The following KCNQ3 variants were observed in gnomAD, a reference collection of about 807,000 sequenced individuals.
The protein encoded by KCNQ3 is potassium voltage-gated channel subfamily KQT member 3.
In KCNQ3, 30 loss-of-function variants were observed where a neutral mutation model predicts 92.5. The ratio of observed to expected loss-of-function variants is 0.32; its 90% CI spans 0.24 to 0.44. The LOEUF (loss-of-function observed/expected upper bound fraction) is 0.44, where lower values mean the gene tolerates loss of function less well. Among genes scored for constraint, KCNQ3 ranks in the 20% least tolerant of loss-of-function variants. The probability of loss-of-function intolerance (pLI) is 1.00; values close to 1 mark genes in which losing one functional copy is unlikely to be tolerated. For synonymous variants in KCNQ3, 450 were observed against 468.8 expected (o/e 0.96, Z 0.52); for missense variants, 913 against 1,140.3 (o/e 0.80, Z 2.87).
At chr8:132,398,445 A>G (rs981095333) in intron 1 of KCNQ3, among the ~76,000 whole-genome samples, 2 of 152,176 alleles carry the variant, frequency 1.3e-5, no homozygotes, top group African/African-American at 4.8e-5. Flanking sequence ...CATTTTCTTA[A>G]ATGATTTGCT....
At chr8:132,244,048 T>A (rs1254379209) in intron 1 of KCNQ3, among the ~76,000 whole-genome samples, 1 of 152,096 alleles carries the variant, frequency 6.6e-6, no homozygotes, top group Non-Finnish European at 1.5e-5. Context: ...TTGTGCAGAT[T>A]CAACCACTGA....
At chr8:132,138,500 T>C (rs1366638539) in intron 11 of KCNQ3, among the ~76,000 whole-genome samples, 1 of 152,140 alleles carries the variant, frequency 6.6e-6, no homozygotes, top group African/African-American at 2.4e-5. Context: ...ATATATCTCA[T>C]CCTCAAGAGC....
At chr8:132,314,220 A>G (rs1465202772) in intron 1 of KCNQ3, among the ~76,000 whole-genome samples, 1 of 152,234 alleles carries the variant, frequency 6.6e-6, no homozygotes, top group African/African-American at 2.4e-5. Flanking sequence ...CACTTAGGAA[A>G]GATAAAATTT....
At chr8:132,186,925 T>TGAGAGAGA (rs1563794835) in intron 1 of KCNQ3, among the ~76,000 whole-genome samples, 1 of 89,878 alleles carries the variant, frequency 1.1e-5, no homozygotes, top group Non-Finnish European at 2.2e-5. Context: ...TGTGTGTGTG[T>TGAGAGAGA]GTGTGTGTGA....
At chr8:132,354,559 T>C (rs1034854390) in intron 1 of KCNQ3, among the ~76,000 whole-genome samples, 11 of 152,192 alleles carry the variant, frequency 7.2e-5, no homozygotes, top group African/African-American at 2.7e-4. Flanking sequence ...GGTCGTATTC[T>C]GGGGTCAGCA....
At chr8:132,312,222 G>T (rs1817614986) in intron 1 of KCNQ3, among the ~76,000 whole-genome samples, 1 of 152,204 alleles carries the variant, frequency 6.6e-6, no homozygotes, top group South Asian at 2.1e-4. Flanking sequence ...GTGGTGCTTT[G>T]TTATGGCAGA....
At chr8:132,187,134 T>C (rs1826996413) in intron 1 of KCNQ3, 2 of 455,856 alleles carry the variant, frequency 4.4e-6, no homozygotes, top group Admixed American at 2.4e-5. Context: ...TGAAGCTTGG[T>C]AGTACATACT....
At chr8:132,347,527 G>A (rs1391741943) in intron 1 of KCNQ3, among the ~76,000 whole-genome samples, 1 of 152,168 alleles carries the variant, frequency 6.6e-6, no homozygotes, top group East Asian at 1.9e-4. Context: ...ATACACAATG[G>A]CAAATGGTGA....
At chr8:132,358,013 T>C (rs1819064309) in intron 1 of KCNQ3, among the ~76,000 whole-genome samples, 1 of 152,238 alleles carries the variant, frequency 6.6e-6, no homozygotes, top group African/African-American at 2.4e-5. Flanking sequence ...TCCAGGGAAT[T>C]TGCTCCCTTG....
intron 1 of KCNQ3, among the ~76,000 whole-genome samples, chr8:132,416,822 C>G (rs1820820741): frequency 6.6e-6 from 1 of 152,112 alleles, no homozygotes; most frequent in East Asian, 1.9e-4. Context: ...AGGGTACAGA[C>G]AGGAAGGCTG....
At chr8:132,203,959 A>G (rs968953550) in intron 1 of KCNQ3, among the ~76,000 whole-genome samples, 2 of 152,156 alleles carry the variant, frequency 1.3e-5, no homozygotes, top group Non-Finnish European at 2.9e-5. Context: ...ATCTTTGGGG[A>G]CCTCTACCAA....
chr8:132,147,132 C>A (rs1441771852), intron 9 of KCNQ3, among the ~76,000 whole-genome samples: 1 of 152,148 alleles, frequency 6.6e-6, no homozygotes, highest in Non-Finnish European at 1.5e-5. Flanking sequence ...GATATCCAGG[C>A]AAAAGATGCT....
chr8:132,252,467 T>A (rs569205737), intron 1 of KCNQ3, among the ~76,000 whole-genome samples: 2 of 152,248 alleles, frequency 1.3e-5, no homozygotes, highest in South Asian at 4.2e-4. Flanking sequence ...ACCCTCGCAG[T>A]GAGTGTTACA....
Position 132,141,189 on chromosome 8 carries a change from T to C in KCNQ3, c.1405A>G (p.Lys469Glu), listed in dbSNP as rs1409856489. 1.2e-6 allele frequency: 2 copies of C among 1,614,200 alleles called. No homozygotes were observed. Among genetic ancestry groups the C allele is most frequent in the Non-Finnish European group, 1.7e-6 (2 of 1,180,024 alleles). Reference protein sequence around the residue: ...KEPKPVGLNNKERFRTAFRMK... With the variant: ...KEPKPVGLNNEERFRTAFRMK... ...CGGAAGGCCGTGCGGAAACGCTCTTTATTGTTTAAGCCAACAGGCTTTGGT... is the reference window on the plus strand; with the variant it reads ...CGGAAGGCCGTGCGGAAACGCTCTTCATTGTTTAAGCCAACAGGCTTTGGT... Residue 469 changes from lysine to glutamate, a missense_variant, in exon 10 of 15, where the codon AAA becomes GAA. Around this residue, in one of 6 missense-constraint regions of KCNQ3, gnomAD observed 182 missense variants for 234.5 expected, o/e 0.78. Coordinates refer to ENST00000388996, the MANE Select transcript of KCNQ3 (RefSeq NM_004519.4).
chr8:132,446,460 G>A (rs1821679839), intron 1 of KCNQ3, among the ~76,000 whole-genome samples: 1 of 152,154 alleles, frequency 6.6e-6, no homozygotes, highest in Non-Finnish European at 1.5e-5. Context: ...GTGTCCTTAA[G>A]CAAACTCCCT....
At chr8:132,222,211 A>T (rs986605663) in intron 1 of KCNQ3, among the ~76,000 whole-genome samples, 2 of 152,242 alleles carry the variant, frequency 1.3e-5, no homozygotes, top group African/African-American at 4.8e-5. Flanking sequence ...ACTCATCTTC[A>T]TTTTATGATG....
In KCNQ3 at chr8:132,195,605, T is replaced by G. The variant is rs529903769; in HGVS notation, c.387-9424A>C. On this transcript the variant is annotated intron_variant, in intron 1 of 14. Coordinates refer to ENST00000388996, the MANE Select transcript of KCNQ3 (RefSeq NM_004519.4). The stretch of plus-strand genomic sequence containing the variant: ...GTACCATTTTTCTAAGCAAGGATAC[T>G]GATTATGCCAAACCCCTGTCTAAAT... Among the ~76,000 whole-genome samples, 8 of 152,332 alleles carry G rather than the reference T, an allele frequency of 5.3e-5. No individual in the cohort carries two copies. In the South Asian group the frequency reaches 1.7e-3, roughly 32 times the overall value.
At chr8:132,350,882 A>G (rs10097662) in intron 1 of KCNQ3, among the ~76,000 whole-genome samples, 36,488 of 152,068 alleles carry the variant, frequency 0.24, 4,836 homozygotes, top group East Asian at 0.42. Context: ...TTGAAAACTC[A>G]AGAGAGAGGA....
intron 1 of KCNQ3, among the ~76,000 whole-genome samples, chr8:132,201,708 T>C (rs1323338149): frequency 1.3e-5 from 2 of 152,068 alleles, no homozygotes; most frequent in African/African-American, 4.8e-5. Flanking sequence ...GGCCCCTATG[T>C]CTTTGCTGCA....
Sources: allele counts gnomAD v4.1 joint callset (sites outside exome capture counted in the v4.1 genomes callset), GRCh38; gene constraint gnomAD v4.1.1; regional missense constraint gnomAD v4.1.1; transcripts MANE v1.5; gene names NCBI Gene and HGNC (gene_info 2026-07-23, HGNC 2026-07-21).